The following USP31 variants were observed in gnomAD, a reference collection of about 807,000 sequenced individuals.
The protein encoded by USP31 is ubiquitin specific peptidase 31, also known as ubiquitin carboxyl-terminal hydrolase 31.
A neutral mutation model predicts 119.4 loss-of-function variants in USP31; 44 were observed. The observed-to-expected ratio is 0.37, with a 90% CI of 0.29 to 0.47. The LOEUF is 0.47. Ranked by LOEUF, USP31 falls within the 20% of genes least tolerant of loss-of-function variation. USP31 has a pLI of 0.99. For synonymous variants in USP31, 749 were observed against 705.6 expected, an observed-to-expected ratio of 1.06 and a Z score of -0.97; for missense variants, 1,643 against 1,730.2, an observed-to-expected ratio of 0.95 and a Z score of 0.89.
chr16:23,105,533 A>G lies in USP31; in HGVS notation c.997T>C (p.Cys333Arg). Residue 333 changes from cysteine (C) to arginine (R), a missense_variant, in exon 5 of 16, where the codon TGC (cysteine) becomes CGC (arginine). Transcript: ENST00000219689. ...GGTACGGCCACACCAATCCTCATGC[A>G]GTGAGAACATTTGCCTTGATACACT... Reference protein sequence around the residue: ...TVVYQGKCSHCMRIGVAVPLS... With the variant: ...TVVYQGKCSHRMRIGVAVPLS... 7.4e-6 allele frequency: 12 copies of G among 1,614,160 alleles called. No homozygotes were observed. Among genetic ancestry groups the G allele is most frequent in the Non-Finnish European group, 9.3e-6 (11 of 1,180,012 alleles).
intron 1 of USP31, among the ~76,000 whole-genome samples, chr16:23,109,503 A>G (rs1051431220): frequency 1.3e-5 from 2 of 152,202 alleles, no homozygotes; most frequent in African/African-American, 4.8e-5. Flanking sequence ...TTCCTTACAG[A>G]GGAATTCCAA....
chr16:23,095,827 A>T (rs1256058572), intron 6 of USP31, among the ~76,000 whole-genome samples: 1 of 152,212 alleles, frequency 6.6e-6, no homozygotes, highest in Non-Finnish European at 1.5e-5. Context: ...GGCCTGCCTT[A>T]CAAGAGCTCC....
chr16:23,085,193 A>C (rs2141845778), intron 10 of USP31, among the ~76,000 whole-genome samples: 1 of 152,348 alleles, frequency 6.6e-6, no homozygotes, highest in Middle Eastern at 3.4e-3. Flanking sequence ...TATTTCCAGA[A>C]CTAACTTGAT....
At position 23,149,270 on chromosome 16, in the gene USP31, TGGC is replaced by T. The variant is rs1903646422; in HGVS notation, c.-3_-1del. 6.5e-6 allele frequency: 7 copies of T among 1,081,156 alleles called. No homozygotes were observed. Among genetic ancestry groups the T allele is most frequent in the Middle Eastern group, 4.1e-4 (1 of 2,444 alleles). The allele number at this position is 1,081,156 out of a possible 1,614,324, so 67.0% of individuals were successfully genotyped here. On this transcript the variant is annotated 5_prime_UTR_variant, in exon 1 of 16. Transcript: ENST00000219689. ...GACCCAGGCGCCGTTACCTTGGACA[TGGC>T]GGCGGCCGCAGACACTCATCACCGC...
At chr16:23,085,807 T>C in intron 9 of USP31, 145 bp from the exon 10 acceptor site, 3 of 707,456 alleles carry the variant, frequency 4.2e-6, no homozygotes, top group Non-Finnish European at 7.2e-6. Flanking sequence ...AGAAAAAAGT[T>C]TTCAGCAAGA....
rs1054244487 is a variant in USP31 at position 23,143,590 on chromosome 16, G to GT, written c.633+5047_633+5048insA. ...AGAAAGAGAGAGGGAGAGGTTGGGG[G>GT]GGGGGAGAGAGAGAGAAAGAGAGAG... On this transcript the variant is annotated intron_variant, in intron 1 of 15. Transcript: ENST00000219689. Among the ~76,000 whole-genome samples the GT allele has an allele frequency of 4.6e-5, 7 of 150,788 alleles. No individual in the cohort carries two copies. In the East Asian group the frequency reaches 7.8e-4, roughly 17 times the overall value.
At position 23,069,472 on chromosome 16, in the gene USP31, T is replaced by A. The variant is rs1216224531; in HGVS notation, c.2633A>T (p.Asn878Ile). The A allele has an allele frequency of 1.9e-6, 3 of 1,614,044 alleles. No homozygotes were observed. The highest frequency in any genetic ancestry group is 1.3e-5 in the African/African-American group (1 of 74,910). ...SLSAKLQMRS[N>I]SPSRFSGDSP... ...ATCCCCTGAAAATCGGGATGGAGAA[T>A]TGGAGCGCATCTGCAGCTTAGCAGA... is the stretch of plus-strand genomic sequence containing the variant. The change falls in exon 16 of 16, where the codon AAT becomes ATT. Residue 878 changes from asparagine (N) to isoleucine (I), a missense_variant. This residue lies in a region of USP31 where 699 missense variants were observed against 650.9 expected (regional missense o/e 1.07). Transcript: ENST00000219689.
rs1900734706 is a variant in USP31, at chr16:23,079,769, G to C, written c.2176+177C>G. The C allele has an allele frequency of 5.2e-6, 3 of 574,726 alleles. No homozygotes were observed. The Admixed American group carries it at 1.1e-4, about 21-fold the overall frequency. 35.6% of individuals were successfully genotyped at this position (574,726 alleles called of 1,614,324 possible). ...TGGACGACCCAACTCAGGAAAAGGAGGAAGAATGTTCGTTTATTTGCTCTT... is the reference window on the plus strand; with the variant it reads ...TGGACGACCCAACTCAGGAAAAGGACGAAGAATGTTCGTTTATTTGCTCTT... On this transcript the variant is annotated intron_variant, in intron 13 of 15. Transcript: ENST00000219689.
chr16:23,145,230 A>G (rs904937915), intron 1 of USP31, among the ~76,000 whole-genome samples: 8 of 152,154 alleles, frequency 5.3e-5, no homozygotes, highest in Admixed American at 5.2e-4. Context: ...ATGGTCCTTG[A>G]GCCAAAAGCA....
chr16:23,087,148 T>A lies in USP31; in HGVS notation c.1566A>T (p.Gly522=). 1 of 1,613,802 alleles carries A rather than the reference T, an allele frequency of 6.2e-7. No homozygotes were observed. Among genetic ancestry groups the A allele is most frequent in the Non-Finnish European group, 8.5e-7 (1 of 1,179,864 alleles). Residue 522 remains glycine (G), a synonymous_variant, in exon 9 of 16, where the codon GGA becomes GGT. Transcript: ENST00000219689. The part of the protein sequence containing the change: ...PFSLRVVSVV[G]ITYLLPQEEQ... Reference sequence around the variant, plus strand: ...CCTCCTGGGGCAGCAAATATGTTATTCCAACAACACTGACCACACGCAAGC... The same window carrying A: ...CCTCCTGGGGCAGCAAATATGTTATACCAACAACACTGACCACACGCAAGC...
At position 23,064,265 on chromosome 16, in the gene USP31, G is replaced by C. The variant is rs1362019730; in HGVS notation, c.*3781C>G. On this transcript the variant is annotated 3_prime_UTR_variant, in exon 16 of 16. Transcript: ENST00000219689. Reference sequence around the variant, plus strand: ...ACTTCGGCTGTTCAGTAATTTGTCCGAATGAAATGTAACGTCTGATGCCCC... The same window carrying C: ...ACTTCGGCTGTTCAGTAATTTGTCCCAATGAAATGTAACGTCTGATGCCCC... 6.6e-6 allele frequency: 1 copy of C among 152,484 alleles called. No individual in the cohort carries two copies. Among genetic ancestry groups the C allele is most frequent in the South Asian group, 2.1e-4 (1 of 4,824 alleles). 9.4% of individuals were successfully genotyped at this position (152,484 alleles called of 1,614,324 possible). A position where few individuals can be genotyped will look rare whatever the true frequency, so the allele number is the denominator to read the frequency against.
At chr16:23,111,373 C>T (rs538951476) in intron 1 of USP31, among the ~76,000 whole-genome samples, 83 of 152,224 alleles carry the variant, frequency 5.5e-4, no homozygotes, top group African/African-American at 1.4e-3. Flanking sequence ...GCATTAATGT[C>T]ACTCAGGTGT....
intron 1 of USP31, among the ~76,000 whole-genome samples, chr16:23,112,200 A>G (rs1019805091): frequency 3.3e-5 from 5 of 152,192 alleles, no homozygotes; most frequent in Non-Finnish European, 7.3e-5. Context: ...GGAAGTCTTC[A>G]TCATGGTACA....
At chr16:23,145,399 C>T (rs1903475997) in intron 1 of USP31, among the ~76,000 whole-genome samples, 1 of 152,178 alleles carries the variant, frequency 6.6e-6, no homozygotes, top group Non-Finnish European at 1.5e-5. Context: ...TCCTACTCGA[C>T]TCAGCTCTTC....
At chr16:23,115,316 A>C (rs1481650369) in intron 1 of USP31, among the ~76,000 whole-genome samples, 1 of 152,200 alleles carries the variant, frequency 6.6e-6, no homozygotes, top group African/African-American at 2.4e-5. Context: ...TGTAAATAGA[A>C]GCATTGCTAC....
rs143300021 is a variant in USP31 at position 23,068,569 on chromosome 16, G to A, written c.3536C>T (p.Pro1179Leu). 4 of 1,614,150 alleles carry A rather than the reference G, an allele frequency of 2.5e-6. No homozygotes were observed. The highest frequency in any genetic ancestry group is 2.2e-5 in the East Asian group (1 of 44,864). ...SATSTSKPNS[P>L]RVSQARAGEG... ...CCCTGCTCGGGCCTGGCTCACCCGA[G>A]GGGAATTGGGTTTGGAGGTGGAGGT... Residue 1179 changes from proline (P) to leucine (L), a missense_variant, in exon 16 of 16, where the codon CCT (proline) becomes CTT (leucine). By Grantham distance (98) the Pro-to-Leu change is moderately conservative (BLOSUM62 -3). Around this residue, in one of 5 missense-constraint regions of USP31, gnomAD observed 699 missense variants for 650.9 expected, o/e 1.07. Coordinates refer to ENST00000219689, the MANE Select transcript of USP31 (RefSeq NM_020718.4).
intron 6 of USP31, among the ~76,000 whole-genome samples, chr16:23,094,075 G>A (rs1028953335): frequency 6.6e-6 from 1 of 152,136 alleles, no homozygotes; most frequent in Non-Finnish European, 1.5e-5. Flanking sequence ...AGGGGTCGGG[G>A]GATTTCCCTT....
At chr16:23,080,497 T>A (rs919669302) in intron 12 of USP31, among the ~76,000 whole-genome samples, 5 of 152,286 alleles carry the variant, frequency 3.3e-5, no homozygotes, top group African/African-American at 1.2e-4. Flanking sequence ...TCCTGATACC[T>A]CTGTCAAAGA....
intron 9 of USP31, among the ~76,000 whole-genome samples, chr16:23,086,660 G>C (rs1288838099): frequency 6.6e-6 from 1 of 152,152 alleles, no homozygotes; most frequent in Admixed American, 6.5e-5. Flanking sequence ...GGATAGTGGG[G>C]AGAGGAAGAG....
Sources: gnomAD v4.1 joint callset for allele counts (sites outside exome capture counted in the v4.1 genomes callset) on GRCh38, gnomAD v4.1.1 for gene constraint, gnomAD v4.1.1 regional missense constraint, MANE v1.5 for transcripts, NCBI Gene and HGNC (gene_info 2026-07-23, HGNC 2026-07-21) for gene names.